Variants in GALNTL6 observed in about 807,000 individuals in gnomAD.
The protein encoded by GALNTL6 is polypeptide N-acetylgalactosaminyltransferase-like 6.
A neutral mutation model predicts 73.7 loss-of-function variants in GALNTL6; 46 were observed. The ratio of observed to expected loss-of-function variants is 0.62; its 90% CI spans 0.49 to 0.80. The LOEUF is 0.80. GALNTL6 is among the 30% of genes least tolerant of loss of function. The probability of loss-of-function intolerance (pLI) is 0.00; values close to 1 mark genes in which losing one functional copy is unlikely to be tolerated. For synonymous variants in GALNTL6, 259 were observed against 263.7 expected (o/e 0.98, Z 0.17); for missense variants, 604 against 755.0 (o/e 0.80, Z 2.34).
At chr4:171,932,820 T>A (rs1471045309) in intron 2 of GALNTL6, among the ~76,000 whole-genome samples, 1 of 152,190 alleles carries the variant, frequency 6.6e-6, no homozygotes, top group East Asian at 1.9e-4. Flanking sequence ...ATGTCCAGAA[T>A]AGATGAATAA....
At chr4:172,688,269 T>C (rs909196660) in intron 5 of GALNTL6, among the ~76,000 whole-genome samples, 24 of 152,378 alleles carry the variant, frequency 1.6e-4, no homozygotes, top group African/African-American at 5.8e-4. Flanking sequence ...AAGTTTGGAA[T>C]GTTTCTTTTA....
chr4:172,679,433 GC>G (rs1310612176), intron 5 of GALNTL6, among the ~76,000 whole-genome samples: 1 of 151,230 alleles, frequency 6.6e-6, no homozygotes, highest in Non-Finnish European at 1.5e-5. Flanking sequence ...AAAAGTAAAA[GC>G]CATGCTAAAT....
At chr4:172,545,619 A>G (rs1735718873) in intron 5 of GALNTL6, 2 of 152,206 alleles carry the variant, frequency 1.3e-5, no homozygotes, top group Non-Finnish European at 2.9e-5. Flanking sequence ...CACTGTAATC[A>G]TTTGCCCTCT....
intron 5 of GALNTL6, among the ~76,000 whole-genome samples, chr4:172,352,047 T>C (rs1741960859): frequency 6.6e-6 from 1 of 152,164 alleles, no homozygotes; most frequent in African/African-American, 2.4e-5. Context: ...CACTTGCTGA[T>C]TACTTAGAAT....
At chr4:172,702,280 T>C (rs770662649) in intron 5 of GALNTL6, among the ~76,000 whole-genome samples, 1 of 152,074 alleles carries the variant, frequency 6.6e-6, no homozygotes, top group Non-Finnish European at 1.5e-5. Context: ...TGTTTATACA[T>C]TATTTTCAGG....
intron 10 of GALNTL6, among the ~76,000 whole-genome samples, chr4:172,961,322 T>G (rs1579712818): frequency 1.5e-4 from 16 of 103,500 alleles, no homozygotes; most frequent in Middle Eastern, 6.3e-3. Context: ...CCCAGGAAAG[T>G]GGAGAAGGGG....
intron 7 of GALNTL6, among the ~76,000 whole-genome samples, chr4:172,822,878 G>A (rs1028140421): frequency 6.6e-6 from 1 of 152,084 alleles, no homozygotes; most frequent in Non-Finnish European, 1.5e-5. Flanking sequence ...TAATGTGTGA[G>A]GGTAATTTGC....
At chr4:172,012,357 T>A (rs1232844532) in intron 2 of GALNTL6, among the ~76,000 whole-genome samples, 1 of 152,008 alleles carries the variant, frequency 6.6e-6, no homozygotes, top group Admixed American at 6.6e-5. Context: ...CAGGGTCTAC[T>A]CTCTAGGCCA....
chr4:172,099,755 A>T (rs916470380), intron 2 of GALNTL6, among the ~76,000 whole-genome samples: 3 of 152,170 alleles, frequency 2.0e-5, no homozygotes, highest in Admixed American at 1.3e-4. Context: ...TAAAATCTCT[A>T]ATTTATGTAT....
At chr4:171,912,069 A>G (rs1165306269) in intron 2 of GALNTL6, among the ~76,000 whole-genome samples, 1 of 152,172 alleles carries the variant, frequency 6.6e-6, no homozygotes, top group Non-Finnish European at 1.5e-5. Flanking sequence ...GAGTTCAAGC[A>G]TATCTTTTTC....
intron 3 of GALNTL6, among the ~76,000 whole-genome samples, chr4:172,241,427 C>G (rs1381025797): frequency 6.6e-6 from 1 of 152,116 alleles, no homozygotes; most frequent in Non-Finnish European, 1.5e-5. Context: ...ACCTTAGGAC[C>G]TCATGAATAG....
chr4:172,136,988 A>G (rs1162089961), intron 2 of GALNTL6, among the ~76,000 whole-genome samples: 1 of 152,102 alleles, frequency 6.6e-6, no homozygotes, highest in African/African-American at 2.4e-5. Flanking sequence ...TTCTTTCTAT[A>G]TTAACTAACT....
At chr4:172,238,796 G>A (rs548145849) in intron 3 of GALNTL6, among the ~76,000 whole-genome samples, 11 of 151,912 alleles carry the variant, frequency 7.2e-5, no homozygotes, top group African/African-American at 2.7e-4. Context: ...GTTTGTTGAG[G>A]GTTTTTAATA....
chr4:172,120,929 T>C (rs1265833530), intron 2 of GALNTL6, among the ~76,000 whole-genome samples: 1 of 151,920 alleles, frequency 6.6e-6, no homozygotes, highest in Non-Finnish European at 1.5e-5. Flanking sequence ...CTAATGAACA[T>C]TGCAGCACCT....
At chr4:172,013,555 T>C (rs1741088119) in intron 2 of GALNTL6, among the ~76,000 whole-genome samples, 1 of 151,804 alleles carries the variant, frequency 6.6e-6, no homozygotes, top group African/African-American at 2.4e-5. Context: ...CTTTTTAAAA[T>C]CTTTTCTTTT....
At chr4:172,835,275 C>A (rs1742847892) in intron 7 of GALNTL6, among the ~76,000 whole-genome samples, 1 of 152,242 alleles carries the variant, frequency 6.6e-6, no homozygotes, top group African/African-American at 2.4e-5. Context: ...ACAACAACTT[C>A]CCACAACCTG....
chr4:172,733,073 C>A (rs529166552), intron 5 of GALNTL6, among the ~76,000 whole-genome samples: 3 of 152,164 alleles, frequency 2.0e-5, no homozygotes, highest in Non-Finnish European at 4.4e-5. Context: ...TTTTGTTTTT[C>A]AGTTTGAAGA....
At position 172,809,579 on chromosome 4, in the gene GALNTL6, T is replaced by C. The variant is rs1430130379; in HGVS notation, c.739+33T>C. 2 of 1,557,360 alleles carry C rather than the reference T, an allele frequency of 1.3e-6. No homozygotes were observed. Among genetic ancestry groups the C allele is most frequent in the Middle Eastern group, 1.9e-4 (1 of 5,278 alleles). On this transcript the variant is annotated intron_variant, in intron 6 of 12. Transcript: ENST00000506823. This position sits in a 1 kb window ranked among gnomAD's most constrained non-coding sequence, Gnocchi z 4.4. ...CAGGTTGCTAAGCACCATCCTGGGA[T>C]GCCTCAGGGGAACTGAGCGGTTTGC... is the stretch of plus-strand genomic sequence containing the variant.
intron 3 of GALNTL6, among the ~76,000 whole-genome samples, chr4:172,242,102 T>G (rs2110994810): frequency 6.6e-6 from 1 of 152,064 alleles, no homozygotes; most frequent in South Asian, 2.1e-4. Flanking sequence ...CACGTATAAT[T>G]TTTTTTTAAG....
Sources: gnomAD v4.1 joint callset for allele counts (sites outside exome capture counted in the v4.1 genomes callset) on GRCh38, gnomAD v4.1.1 for gene constraint, Gnocchi (gnomAD v3.1) non-coding constraint, MANE v1.5 for transcripts, NCBI Gene and HGNC (gene_info 2026-07-23, HGNC 2026-07-21) for gene names.